The following SOD1 variants were observed in gnomAD, a reference collection of about 807,000 sequenced individuals.
SOD1 encodes the protein superoxide dismutase 1, also known as superoxide dismutase [Cu-Zn].
Under a neutral mutation model 15.9 loss-of-function variants are expected in SOD1, and 8 were observed. The ratio of observed to expected loss-of-function variants is 0.50; its 90% CI spans 0.30 to 0.91. The LOEUF (loss-of-function observed/expected upper bound fraction) is 0.91, where lower values mean the gene tolerates loss of function less well. SOD1 is among the 40% of genes least tolerant of loss of function. The pLI is 0.07. For synonymous variants in SOD1, 86 were observed against 71.2 expected, an observed-to-expected ratio of 1.21 and a Z score of -1.04; for missense variants, 137 against 194.5, an observed-to-expected ratio of 0.70 and a Z score of 1.76.
intron 1 of SOD1, among the ~76,000 whole-genome samples, chr21:31,662,545 A>G (rs534672809): frequency 5.6e-4 from 85 of 152,294 alleles, no homozygotes; most frequent in Non-Finnish European, 9.0e-4. Flanking sequence ...GAGCACCATT[A>G]CCTGTCACCA....
Position 31,662,785 on chromosome 21 carries a change from C to T in SOD1, c.73-1005C>T, listed in dbSNP as rs565608772. Among the ~76,000 whole-genome samples the T allele has an allele frequency of 8.6e-4, 131 of 152,198 alleles. 1 individual carries two copies. Among genetic ancestry groups the T allele is most frequent in the Non-Finnish European group, 4.4e-5 (3 of 68,006 alleles). On this transcript the variant is annotated intron_variant, in intron 1 of 4. Coordinates refer to ENST00000270142, the MANE Select transcript of SOD1 (RefSeq NM_000454.5). ...ATCCCAGCACTTTGGGAGGCCGAGA[C>T]GGGTGGATCACGAGGTCAGCAGATG...
At chr21:31,665,871 GAAGATC>G (rs1352448123) in intron 2 of SOD1, among the ~76,000 whole-genome samples, 1 of 151,964 alleles carries the variant, frequency 6.6e-6, no homozygotes, top group Non-Finnish European at 1.5e-5. Flanking sequence ...AAAAACTGTT[GAAGATC>G]AGTCTGGTCC....
intron 4 of SOD1, 27 bp from the exon 5 acceptor site, chr21:31,668,444 A>G: frequency 1.9e-6 from 3 of 1,564,662 alleles, no homozygotes; most frequent in East Asian, 2.2e-5. Context: ...TGACAGCCCA[A>G]AGTTATCTTC....
chr21:31,659,882 A>AC (rs759472397), intron 1 of SOD1, 41 bp downstream of exon 1: 1 of 1,590,584 alleles, frequency 6.3e-7, no homozygotes, highest in East Asian at 2.2e-5. Context: ...GGCCGCTCCC[A>AC]CCCGCTCGTC....
intron 2 of SOD1, among the ~76,000 whole-genome samples, chr21:31,664,647 C>T (rs1380981549): frequency 6.6e-6 from 1 of 151,872 alleles, no homozygotes; most frequent in Non-Finnish European, 1.5e-5. Flanking sequence ...GAGACGGAGT[C>T]TTACTCTGTG....
intron 2 of SOD1, among the ~76,000 whole-genome samples, chr21:31,664,882 C>T (rs2049580594): frequency 6.6e-6 from 1 of 152,026 alleles, no homozygotes; most frequent in Non-Finnish European, 1.5e-5. Flanking sequence ...TCCCAAAGTG[C>T]TGGGATTACA....
In SOD1 at chr21:31,668,571, C is replaced by T; in HGVS notation, c.458C>T (p.Ala153Val). 1 of 1,612,038 alleles carries T rather than the reference C, an allele frequency of 6.2e-7. No homozygotes were observed. Among genetic ancestry groups the T allele is most frequent in the Non-Finnish European group, 8.5e-7 (1 of 1,178,128 alleles). Reference sequence around the variant, plus strand: ...TTGGCTTGTGGTGTAATTGGGATCGCCCAATAAACATTCCCTTGGATGTAG... The same window carrying T: ...TTGGCTTGTGGTGTAATTGGGATCGTCCAATAAACATTCCCTTGGATGTAG... ...SRLACGVIGI[A>V]Q is the part of the protein sequence containing the mutation. Residue 153 changes from alanine to valine, a missense_variant, in exon 5 of 5, where the codon GCC becomes GTC. Ala to Val is a moderately conservative substitution (Grantham distance 64, BLOSUM62 0). Coordinates refer to ENST00000270142, the MANE Select transcript of SOD1 (RefSeq NM_000454.5).
At position 31,668,614 on chromosome 21, in the gene SOD1, C is replaced by A; in HGVS notation, c.*36C>A. The stretch of plus-strand genomic sequence containing the variant: ...GGATGTAGTCTGAGGCCCCTTAACT[C>A]ATCTGTTATCCTGCTAGCTGTAGAA... On this transcript the variant is annotated 3_prime_UTR_variant, in exon 5 of 5. Coordinates refer to ENST00000270142, the MANE Select transcript of SOD1 (RefSeq NM_000454.5). The A allele has an allele frequency of 7.3e-7, 1 of 1,369,022 alleles. No individual in the cohort carries two copies. The highest frequency in any genetic ancestry group is 1.0e-6 in the Non-Finnish European group (1 of 955,884). 84.8% of individuals were successfully genotyped at this position (1,369,022 alleles called of 1,614,324 possible).
rs550738116 is a variant in SOD1, at chr21:31,666,510, T to C, written c.231T>C (p.Asp77=). The change falls in exon 3 of 5, where the codon GAT becomes GAC. Residue 77 remains aspartate (D), a synonymous_variant. Coordinates refer to ENST00000270142, the MANE Select transcript of SOD1 (RefSeq NM_000454.5). ...CCAGAAAACACGGTGGGCCAAAGGA[T>C]GAAGAGAGGTAACAAGATGCTTAAC... is the stretch of plus-strand genomic sequence containing the variant. ...PLSRKHGGPK[D]EERHVGDLGN... is the part of the protein sequence containing the mutation. 1 of 1,609,926 alleles carries C rather than the reference T, an allele frequency of 6.2e-7. No individual in the cohort carries two copies. The highest frequency in any genetic ancestry group is 1.1e-5 in the South Asian group (1 of 90,832).
Position 31,667,452 on chromosome 21 carries a change from C to A in SOD1, c.357+77C>A, listed in dbSNP as rs1269264107. ...GTATCTTTTCACTTTGATTGTTAGT[C>A]GCGGTTTCTAAAGATCCAGATAAAC... On this transcript the variant is annotated intron_variant, in intron 4 of 4. Transcript: ENST00000270142. The A allele has an allele frequency of 3.7e-6, 4 of 1,090,786 alleles. No homozygotes were observed. In the East Asian group the frequency reaches 7.3e-5, roughly 20 times the overall value. The allele number at this position is 1,090,786 out of a possible 1,614,324, so 67.6% of individuals were successfully genotyped here.
At chr21:31,667,007 A>T (rs2070424) in intron 3 of SOD1, 1 of 543,020 alleles carries the variant, frequency 1.8e-6, no homozygotes, top group Non-Finnish European at 3.3e-6. Flanking sequence ...TAGCTATGCC[A>T]GTAATTAACA....
At position 31,668,784 on chromosome 21, in the gene SOD1, GTC is replaced by G. The variant is rs1048516334; in HGVS notation, c.*208_*209del. 19 of 555,636 alleles carry G rather than the reference GTC, an allele frequency of 3.4e-5. No individual in the cohort carries two copies. The highest frequency in any genetic ancestry group is 4.2e-4 in the Middle Eastern group (1 of 2,368). The allele number at this position is 555,636 out of a possible 1,614,324, so 34.4% of individuals were successfully genotyped here. A position where few individuals can be genotyped will look rare whatever the true frequency, so the allele number is the denominator to read the frequency against. Reference sequence around the variant, plus strand: ...TAGTTTTATAAAACTCAGTTAAAATGTCTGTTTCAATGACCTGTATTTTGCCA... The same window carrying G: ...TAGTTTTATAAAACTCAGTTAAAATGTGTTTCAATGACCTGTATTTTGCCA... On this transcript the variant is annotated 3_prime_UTR_variant, in exon 5 of 5. Transcript: ENST00000270142.
chr21:31,665,074 C>T (rs1219233237), intron 2 of SOD1, among the ~76,000 whole-genome samples: 1 of 152,088 alleles, frequency 6.6e-6, no homozygotes, highest in East Asian at 1.9e-4. Flanking sequence ...TAGCTCTACA[C>T]CCCAAACACA....
intron 4 of SOD1, 129 bp downstream of exon 4, chr21:31,667,504 G>A (rs1466210776): frequency 1.3e-5 from 10 of 778,898 alleles, no homozygotes; most frequent in East Asian, 1.2e-4. Flanking sequence ...ATTAGGAAAA[G>A]CAATTTTATT....
At chr21:31,667,189 T>A (rs2049601097) in intron 3 of SOD1, 69 bp from the exon 4 acceptor site, 2 of 1,241,440 alleles carry the variant, frequency 1.6e-6, no homozygotes, top group African/African-American at 3.0e-5. Context: ...AAGTTTTAAT[T>A]TAGCTCATGA....
chr21:31,668,271 A>AGG (rs1390133763), intron 4 of SOD1, among the ~76,000 whole-genome samples, 200 bp from the exon 5 acceptor site: 1 of 152,194 alleles, frequency 6.6e-6, no homozygotes, highest in Admixed American at 6.5e-5. Context: ...TAATGTTTAA[A>AGG]GGTAATGTCT....
chr21:31,661,829 G>C (rs536381269), intron 1 of SOD1: 26 of 152,384 alleles, frequency 1.7e-4, no homozygotes, highest in African/African-American at 6.0e-4. Context: ...AATGAGCCTT[G>C]GATAGTGGAG....
At chr21:31,668,012 GC>G (rs1211155985) in intron 4 of SOD1, among the ~76,000 whole-genome samples, 1 of 113,726 alleles carries the variant, frequency 8.8e-6, no homozygotes, top group African/African-American at 3.4e-5. Context: ...AAATACTGTT[GC>G]TTAAAGTATT....
chr21:31,668,633 T>G lies in SOD1; in HGVS notation c.*55T>G. 8.4e-7 allele frequency: 1 copy of G among 1,186,366 alleles called. No homozygotes were observed. The highest frequency in any genetic ancestry group is 1.3e-6 in the Non-Finnish European group (1 of 789,680). 73.5% of individuals were successfully genotyped at this position (1,186,366 alleles called of 1,614,324 possible). On this transcript the variant is annotated 3_prime_UTR_variant, in exon 5 of 5. Coordinates refer to ENST00000270142, the MANE Select transcript of SOD1 (RefSeq NM_000454.5). ...TTAACTCATCTGTTATCCTGCTAGC[T>G]GTAGAAATGTATCCTGATAAACATT...
Sources: allele counts gnomAD v4.1 joint callset (sites outside exome capture counted in the v4.1 genomes callset), GRCh38; gene constraint gnomAD v4.1.1; transcripts MANE v1.5; gene names NCBI Gene and HGNC (gene_info 2026-07-23, HGNC 2026-07-21).